DLC1: variants seen among roughly 807,000 people sequenced by gnomAD.
DLC1 encodes the protein rho GTPase-activating protein 7.
In DLC1, 54 loss-of-function variants were observed where a neutral mutation model predicts 140.3. The ratio of observed to expected loss-of-function variants is 0.38; its 90% CI spans 0.31 to 0.48. The LOEUF is 0.48. DLC1 is among the 20% of genes least tolerant of loss of function. DLC1 has a pLI of 0.96. For missense variants in DLC1, 2,536 were observed against 1,907.0 expected (o/e 1.33, Z -6.14); for synonymous variants, 986 against 728.1 (o/e 1.35, Z -5.70).
intron 4 of DLC1, among the ~76,000 whole-genome samples, chr8:13,357,912 A>T (rs897415492): frequency 6.6e-6 from 1 of 152,230 alleles, no homozygotes; most frequent in South Asian, 2.1e-4. Context: ...ATCACAAAAA[A>T]TATAAATTCT....
chr8:13,444,447 A>T (rs1460870271), intron 2 of DLC1, among the ~76,000 whole-genome samples: 1 of 152,070 alleles, frequency 6.6e-6, no homozygotes. Context: ...TTAACGTTTA[A>T]TAATAAAAAA....
chr8:13,171,305 A>C (rs1305594096), intron 5 of DLC1, among the ~76,000 whole-genome samples: 1 of 152,210 alleles, frequency 6.6e-6, no homozygotes, highest in Admixed American at 6.5e-5. Context: ...TTCTCAACTC[A>C]TATGATTAAA....
intron 5 of DLC1, among the ~76,000 whole-genome samples, chr8:13,279,444 G>A (rs1465584620): frequency 6.6e-6 from 1 of 152,180 alleles, no homozygotes; most frequent in Non-Finnish European, 1.5e-5. Flanking sequence ...CTACTTAAGA[G>A]GACTTTATGT....
At chr8:13,503,733 A>G (rs546617418) in intron 1 of DLC1, among the ~76,000 whole-genome samples, 1 of 152,360 alleles carries the variant, frequency 6.6e-6, no homozygotes, top group East Asian at 1.9e-4. Flanking sequence ...TGAGTGGCAG[A>G]AACTTGTCTA....
intron 2 of DLC1, among the ~76,000 whole-genome samples, chr8:13,446,199 T>A (rs1352608023): frequency 6.6e-6 from 1 of 152,200 alleles, no homozygotes; most frequent in Non-Finnish European, 1.5e-5. Context: ...TTGACTTTGC[T>A]CATCAGGCTC....
chr8:13,142,841 G>C (rs1169334017), intron 5 of DLC1, among the ~76,000 whole-genome samples: 1 of 152,116 alleles, frequency 6.6e-6, no homozygotes, highest in East Asian at 1.9e-4. Context: ...CCTGAGGTTG[G>C]GAGTTCGAGG....
intron 2 of DLC1, among the ~76,000 whole-genome samples, chr8:13,414,958 G>C (rs1217498151): frequency 1.3e-5 from 2 of 151,914 alleles, no homozygotes; most frequent in African/African-American, 4.8e-5. Context: ...TTACAGGCGT[G>C]CGCCACCATG....
chr8:13,403,253 A>G (rs578148769), intron 2 of DLC1, among the ~76,000 whole-genome samples: 40 of 152,308 alleles, frequency 2.6e-4, no homozygotes, highest in African/African-American at 8.9e-4. Context: ...CTATTCTTAT[A>G]AAGGGGTCCA....
At chr8:13,453,398 ATATGTG>A (rs374303280) in intron 2 of DLC1, among the ~76,000 whole-genome samples, 371 of 35,246 alleles carry the variant, frequency 0.011, 16 homozygotes, top group Non-Finnish European at 0.013. Context: ...ATATATATAT[ATATGTG>A]TATATATATA....
intron 2 of DLC1, among the ~76,000 whole-genome samples, chr8:13,411,022 T>C (rs1316815965): frequency 6.6e-6 from 1 of 152,054 alleles, no homozygotes; most frequent in Non-Finnish European, 1.5e-5. Flanking sequence ...AAAACGAAAA[T>C]GAAGACCAAG....
At chr8:13,297,467 A>C (rs1832009021) in intron 5 of DLC1, among the ~76,000 whole-genome samples, 1 of 151,940 alleles carries the variant, frequency 6.6e-6, no homozygotes, top group Admixed American at 6.6e-5. Context: ...TGCTGTTACA[A>C]GAAGAGCTTC....
chr8:13,598,473 A>G (rs1805755103), intron 1 of DLC1, among the ~76,000 whole-genome samples: 1 of 152,136 alleles, frequency 6.6e-6, no homozygotes, highest in Admixed American at 6.6e-5. Context: ...AATAGGATAT[A>G]GGAGTGACTG....
intron 4 of DLC1, among the ~76,000 whole-genome samples, chr8:13,392,834 GT>G (rs1305960872): frequency 1.9e-4 from 1 of 5,242 alleles, no homozygotes; most frequent in African/African-American, 3.6e-4. Flanking sequence ...TGTGGAATAA[GT>G]TTTAATAGCA....
intron 2 of DLC1, among the ~76,000 whole-genome samples, chr8:13,498,009 T>A (rs1265710357): frequency 2.0e-5 from 3 of 152,074 alleles, no homozygotes; most frequent in African/African-American, 7.2e-5. Context: ...AGTAGTAGAT[T>A]TTTTTTTCTC....
At chr8:13,352,266 C>A (rs184163912) in intron 4 of DLC1, among the ~76,000 whole-genome samples, 1 of 152,246 alleles carries the variant, frequency 6.6e-6, no homozygotes, top group African/African-American at 2.4e-5. Flanking sequence ...CATAGAAAGT[C>A]AGCAAAAGCA....
At chr8:13,553,742 A>G (rs1335584164) in intron 1 of DLC1, among the ~76,000 whole-genome samples, 1 of 152,124 alleles carries the variant, frequency 6.6e-6, no homozygotes, top group Non-Finnish European at 1.5e-5. Context: ...GATTCTCTTT[A>G]GAACAAATGC....
At chr8:13,576,639 G>A (rs1291086900) in intron 1 of DLC1, among the ~76,000 whole-genome samples, 1 of 152,100 alleles carries the variant, frequency 6.6e-6, no homozygotes, top group Non-Finnish European at 1.5e-5. Context: ...TGGTGTGCAG[G>A]GCCTTGTCCT....
At chr8:13,239,784 G>A (rs1829463481) in intron 5 of DLC1, among the ~76,000 whole-genome samples, 1 of 152,190 alleles carries the variant, frequency 6.6e-6, no homozygotes, top group Non-Finnish European at 1.5e-5. Flanking sequence ...GAAGAAGACT[G>A]TCAAAATATT....
At chr8:13,192,051 C>A (rs907176899) in intron 5 of DLC1, among the ~76,000 whole-genome samples, 5 of 151,790 alleles carry the variant, frequency 3.3e-5, no homozygotes, top group African/African-American at 1.2e-4. Context: ...CAGAGGTTCT[C>A]CTGCCTCAGC....
Sources: gnomAD v4.1 joint callset for allele counts (sites outside exome capture counted in the v4.1 genomes callset) on GRCh38, gnomAD v4.1.1 for gene constraint, MANE v1.5 for transcripts, NCBI Gene and HGNC (gene_info 2026-07-23, HGNC 2026-07-21) for gene names.